Variants in JAZF1 observed in about 807,000 individuals in gnomAD.
The protein encoded by JAZF1 is JAZF zinc finger 1.
In JAZF1, 8 loss-of-function variants were observed where a neutral mutation model predicts 26.4. That is an observed-to-expected ratio of 0.30 (90% confidence interval 0.18 to 0.55). The LOEUF is 0.55. Among genes scored for constraint, JAZF1 ranks in the 20% least tolerant of loss-of-function variants. The probability of loss-of-function intolerance (pLI) is 0.94; values close to 1 mark genes in which losing one functional copy is unlikely to be tolerated. For missense variants in JAZF1, 199 were observed against 322.0 expected, an observed-to-expected ratio of 0.62 and a Z score of 2.92; for synonymous variants, 126 against 122.3, an observed-to-expected ratio of 1.03 and a Z score of -0.20.
rs572407916 is a variant in JAZF1 at position 27,843,139 on chromosome 7, T to C, written c.386-2272A>G. On this transcript the variant is annotated intron_variant, in intron 3 of 4. Transcript: ENST00000283928. The stretch of plus-strand genomic sequence containing the variant: ...GTAGTGTAGGCCGACAGGTGGTAAG[T>C]TGGAACTATCCCAGGCAAGGTGGGA... The C allele has an allele frequency of 2.6e-5, 4 of 152,168 alleles. 1 individual carries two copies. Among genetic ancestry groups the C allele is most frequent in the Admixed American group, 2.0e-4 (3 of 15,264 alleles). 9.4% of individuals were successfully genotyped at this position (152,168 alleles called of 1,614,324 possible).
intron 1 of JAZF1, among the ~76,000 whole-genome samples, chr7:28,085,560 G>A (rs1205186663): frequency 6.6e-6 from 1 of 152,106 alleles, no homozygotes; most frequent in African/African-American, 2.4e-5. Flanking sequence ...TATTCAAAGT[G>A]TCATCCCCCC....
At chr7:27,888,444 G>C (rs1051639761) in intron 3 of JAZF1, among the ~76,000 whole-genome samples, 1 of 151,490 alleles carries the variant, frequency 6.6e-6, no homozygotes, top group Non-Finnish European at 1.5e-5. Context: ...GCCTATTTAA[G>C]TTTATTTTGC....
intron 1 of JAZF1, among the ~76,000 whole-genome samples, chr7:28,004,848 T>C (rs1201292648): frequency 6.6e-6 from 1 of 152,160 alleles, no homozygotes; most frequent in Non-Finnish European, 1.5e-5. Flanking sequence ...AGATGGGGTT[T>C]CGCCATGTTG....
chr7:27,979,400 T>A (rs1336783432), intron 2 of JAZF1, among the ~76,000 whole-genome samples: 6 of 97,048 alleles, frequency 6.2e-5, no homozygotes, highest in African/African-American at 2.3e-4. Flanking sequence ...TTTTTTTTTT[T>A]TTTTTAGAAA....
intron 2 of JAZF1, among the ~76,000 whole-genome samples, chr7:27,964,583 A>G (rs1212734826): frequency 6.6e-6 from 1 of 151,996 alleles, no homozygotes; most frequent in African/African-American, 2.4e-5. Context: ...ATCCACCCCT[A>G]CCACCAAAAC....
At chr7:27,916,613 C>T (rs1191380353) in intron 2 of JAZF1, among the ~76,000 whole-genome samples, 1 of 152,220 alleles carries the variant, frequency 6.6e-6, no homozygotes, top group African/African-American at 2.4e-5. Flanking sequence ...ACCTCACAGC[C>T]TTCTTGTGCT....
At chr7:28,007,790 G>T (rs1782729707) in intron 1 of JAZF1, among the ~76,000 whole-genome samples, 1 of 152,136 alleles carries the variant, frequency 6.6e-6, no homozygotes, top group Non-Finnish European at 1.5e-5. Flanking sequence ...AGCAGTTTTA[G>T]GTTCACAGCA....
chr7:27,850,994 G>A (rs1276719201), intron 3 of JAZF1, among the ~76,000 whole-genome samples: 1 of 152,052 alleles, frequency 6.6e-6, no homozygotes, highest in Non-Finnish European at 1.5e-5. Context: ...CCAGACTGGA[G>A]TGCAATGGCA....
chr7:27,885,235 G>A (rs950565627), intron 3 of JAZF1, among the ~76,000 whole-genome samples: 1 of 152,172 alleles, frequency 6.6e-6, no homozygotes, highest in Non-Finnish European at 1.5e-5. Flanking sequence ...ATGATGGCTG[G>A]GCCTATGTGG....
chr7:27,987,105 C>A lies in JAZF1; in HGVS notation c.188+4804G>T, dbSNP rs1175735072. Reference sequence around the variant, plus strand: ...ATCTGGGAAGTGAGGAGCGTCTCTGCCTGGCCACCCATCGTCTGGGATGTG... The same window carrying A: ...ATCTGGGAAGTGAGGAGCGTCTCTGACTGGCCACCCATCGTCTGGGATGTG... On this transcript the variant is annotated intron_variant, in intron 2 of 4. Transcript: ENST00000283928. Among the ~76,000 whole-genome samples, 5 of 152,024 alleles carry A rather than the reference C, an allele frequency of 3.3e-5. No individual in the cohort carries two copies. The East Asian group carries it at 7.8e-4, about 24-fold the overall frequency.
At chr7:28,049,169 G>A (rs1240644734) in intron 1 of JAZF1, among the ~76,000 whole-genome samples, 3 of 150,426 alleles carry the variant, frequency 2.0e-5, no homozygotes, top group Non-Finnish European at 3.0e-5. Flanking sequence ...CACAACCTCC[G>A]CTTCCTGGGT....
chr7:28,090,817 G>GTT lies in JAZF1; in HGVS notation c.115+89644_115+89645dup, dbSNP rs11367530. ...CTATTCCACAGACTTTTTTTTAGTT[G>GTT]TTTTTTTTTTTTTTTTTTTTGAGAC... is the stretch of plus-strand genomic sequence containing the variant. On this transcript the variant is annotated intron_variant, in intron 1 of 4. Coordinates refer to ENST00000283928, the MANE Select transcript of JAZF1 (RefSeq NM_175061.4). 4.7e-3 allele frequency among the ~76,000 whole-genome samples: 483 copies of GTT among 101,804 alleles called. 12 individuals carry two copies. Among genetic ancestry groups the GTT allele is most frequent in the South Asian group, 7.4e-3 (21 of 2,834 alleles). The allele number at this position is 101,804 out of a possible 152,430, so 66.8% of individuals were successfully genotyped here.
intron 1 of JAZF1, among the ~76,000 whole-genome samples, chr7:28,030,552 G>A (rs1320346145): frequency 1.3e-5 from 2 of 152,056 alleles, no homozygotes; most frequent in Non-Finnish European, 2.9e-5. Context: ...TCAAGGCCTG[G>A]CTTCATTCCT....
intron 2 of JAZF1, among the ~76,000 whole-genome samples, chr7:27,924,909 C>T (rs760135278): frequency 6.6e-6 from 1 of 152,188 alleles, no homozygotes. Flanking sequence ...TGACATCCAT[C>T]GTGAACACAG....
At chr7:27,900,380 ATTC>A (rs1278655653) in intron 2 of JAZF1, among the ~76,000 whole-genome samples, 2 of 152,258 alleles carry the variant, frequency 1.3e-5, no homozygotes, top group Non-Finnish European at 2.9e-5. Flanking sequence ...TATTATCTAT[ATTC>A]TTGTTATTTA....
chr7:28,021,159 G>A (rs902112694), intron 1 of JAZF1, among the ~76,000 whole-genome samples: 4 of 152,098 alleles, frequency 2.6e-5, no homozygotes, highest in African/African-American at 4.8e-5. Flanking sequence ...ATTGGCAAGC[G>A]GCGGACACGG....
intron 1 of JAZF1, among the ~76,000 whole-genome samples, chr7:28,092,603 G>A (rs1365854034): frequency 3.9e-5 from 6 of 152,218 alleles, no homozygotes; most frequent in East Asian, 1.9e-4. Flanking sequence ...AGCACTTTGG[G>A]AGGCTGAGGC....
At chr7:28,015,446 G>C (rs149951411) in intron 1 of JAZF1, among the ~76,000 whole-genome samples, 2 of 152,046 alleles carry the variant, frequency 1.3e-5, no homozygotes, top group South Asian at 4.1e-4. Context: ...GGGAAAACTC[G>C]GCATGGGAAT....
intron 3 of JAZF1, among the ~76,000 whole-genome samples, chr7:27,853,396 A>C (rs958028975): frequency 1.3e-5 from 2 of 152,090 alleles, no homozygotes; most frequent in African/African-American, 2.4e-5. Context: ...TCCCACATCC[A>C]GGGCTGTGCA....
Sources: gnomAD v4.1 joint callset for allele counts (sites outside exome capture counted in the v4.1 genomes callset) on GRCh38, gnomAD v4.1.1 for gene constraint, MANE v1.5 for transcripts, NCBI Gene and HGNC (gene_info 2026-07-23, HGNC 2026-07-21) for gene names.